SPON1: variants seen among roughly 807,000 people sequenced by gnomAD.
SPON1 encodes the protein spondin-1.
Under a neutral mutation model 111.7 loss-of-function variants are expected in SPON1, and 52 were observed. The observed-to-expected ratio is 0.47, with a 90% CI of 0.37 to 0.59. The LOEUF (loss-of-function observed/expected upper bound fraction) is 0.59. SPON1 is among the 20% of genes least tolerant of loss of function. The probability of loss-of-function intolerance (pLI) is 0.00; values close to 1 mark genes in which losing one functional copy is unlikely to be tolerated. For synonymous variants in SPON1, 410 were observed against 395.8 expected (o/e 1.04, Z -0.43); for missense variants, 957 against 1,068.5 (o/e 0.90, Z 1.46).
intron 6 of SPON1, among the ~76,000 whole-genome samples, chr11:14,231,326 G>A (rs1311161868): frequency 2.6e-5 from 4 of 151,260 alleles, no homozygotes; most frequent in African/African-American, 9.7e-5. Flanking sequence ...GTAGAGACAG[G>A]GTTTTACCGT....
intron 11 of SPON1, among the ~76,000 whole-genome samples, chr11:14,258,652 A>C (rs782252708): frequency 6.6e-6 from 1 of 152,264 alleles, no homozygotes; most frequent in African/African-American, 2.4e-5. Flanking sequence ...AGCTTATCCC[A>C]TGCAGGTCAT....
chr11:14,204,108 A>G (rs529637984), intron 6 of SPON1, among the ~76,000 whole-genome samples: 21 of 152,262 alleles, frequency 1.4e-4, no homozygotes, highest in African/African-American at 4.8e-4. Flanking sequence ...TGATTGAACC[A>G]TTTGCTGTCT....
At position 13,983,816 on chromosome 11, in the gene SPON1, G is replaced by GA. The variant is rs570642793; in HGVS notation, c.345+870dup. Among the ~76,000 whole-genome samples, 172 of 152,248 alleles carry GA rather than the reference G, an allele frequency of 1.1e-3. 1 individual carries two copies. Among genetic ancestry groups the GA allele is most frequent in the African/African-American group, 4.0e-3 (167 of 41,568 alleles). Reference sequence around the variant, plus strand: ...TTATCTGGCATTTGCAAATTAAGAAGAAAAAAACTCAGAGAATACTTATAC... The same window carrying GA: ...TTATCTGGCATTTGCAAATTAAGAAGAAAAAAAACTCAGAGAATACTTATAC... On this transcript the variant is annotated intron_variant, in intron 2 of 15. Coordinates refer to ENST00000576479, the MANE Select transcript of SPON1 (RefSeq NM_006108.4).
At chr11:14,182,712 TA>T (rs1848247415) in intron 6 of SPON1, among the ~76,000 whole-genome samples, 1 of 152,204 alleles carries the variant, frequency 6.6e-6, no homozygotes, top group Non-Finnish European at 1.5e-5. Context: ...TGACGGTCCA[TA>T]AAAGGCTCCT....
At chr11:13,999,071 C>G (rs1444794903) in intron 2 of SPON1, among the ~76,000 whole-genome samples, 1 of 151,958 alleles carries the variant, frequency 6.6e-6, no homozygotes, top group African/African-American at 2.4e-5. Flanking sequence ...CACTTAAAGC[C>G]GTTGTGTTTG....
chr11:14,243,452 C>T (rs1848952554), intron 7 of SPON1, 56 bp downstream of exon 7: 10 of 1,449,582 alleles, frequency 6.9e-6, no homozygotes, highest in Admixed American at 2.0e-5. Flanking sequence ...TTCTCAAAGC[C>T]ACCTACCTAA....
At chr11:14,209,337 G>A (rs1848549269) in intron 6 of SPON1, among the ~76,000 whole-genome samples, 1 of 152,096 alleles carries the variant, frequency 6.6e-6, no homozygotes, top group South Asian at 2.1e-4. Context: ...AGGTATACAT[G>A]TGCCATGGCG....
chr11:14,054,034 C>A (rs1554918892), intron 3 of SPON1, among the ~76,000 whole-genome samples: 1 of 152,192 alleles, frequency 6.6e-6, no homozygotes, highest in Admixed American at 6.5e-5. Context: ...TACCTCCCTG[C>A]AAGCCTGCTC....
intron 3 of SPON1, among the ~76,000 whole-genome samples, chr11:14,042,154 A>G (rs1848635887): frequency 6.6e-6 from 1 of 152,052 alleles, no homozygotes; most frequent in African/African-American, 2.4e-5. Context: ...ACCTCCTTTC[A>G]GTGAGTTATA....
intron 4 of SPON1, among the ~76,000 whole-genome samples, chr11:14,077,585 A>G (rs1196739642): frequency 6.6e-6 from 1 of 151,876 alleles, no homozygotes; most frequent in Non-Finnish European, 1.5e-5. Flanking sequence ...GGAACACACC[A>G]CCATGCCCAT....
chr11:14,235,678 C>CAAAAAAAAAAAAAAAAAAA (rs56925967), intron 6 of SPON1, among the ~76,000 whole-genome samples: 1 of 71,384 alleles, frequency 1.4e-5, no homozygotes, highest in South Asian at 6.3e-4. Context: ...GACCCTGCCT[C>CAAAAAAAAAAAAAAAAAAA]AAAAAAAAAA....
chr11:14,043,322 A>G (rs947230752), intron 3 of SPON1, among the ~76,000 whole-genome samples: 1 of 152,182 alleles, frequency 6.6e-6, no homozygotes, highest in Non-Finnish European at 1.5e-5. Flanking sequence ...CAAGTGGAGC[A>G]TCTTATGTGA....
chr11:14,048,011 G>A (rs564159894), intron 3 of SPON1, among the ~76,000 whole-genome samples: 4 of 152,220 alleles, frequency 2.6e-5, no homozygotes, highest in Admixed American at 6.5e-5. Context: ...AGGCTGAGGC[G>A]GGCAGATCAC....
At chr11:14,131,771 C>T (rs1847532646) in intron 5 of SPON1, among the ~76,000 whole-genome samples, 1 of 152,202 alleles carries the variant, frequency 6.6e-6, no homozygotes, top group African/African-American at 2.4e-5. Context: ...CCAGAGTCTT[C>T]TGGCTCCTGG....
In SPON1 at chr11:14,167,408, T is replaced by A. The variant is rs116770759; in HGVS notation, c.825+31840T>A. On this transcript the variant is annotated intron_variant, in intron 6 of 15. Coordinates refer to ENST00000576479, the MANE Select transcript of SPON1 (RefSeq NM_006108.4). ...AAAATCTTAAAAGAAAAATCTTTAC[T>A]CAGATAGGAAACTTAGCCAATAAAG... Among the ~76,000 whole-genome samples the A allele has an allele frequency of 5.3e-3, 812 of 152,214 alleles. 10 individuals are homozygous for A. The highest frequency in any genetic ancestry group is 0.019 in the African/African-American group (773 of 41,562).
chr11:14,115,542 A>G (rs1435033753), intron 5 of SPON1, among the ~76,000 whole-genome samples: 5 of 152,182 alleles, frequency 3.3e-5, no homozygotes, highest in African/African-American at 9.7e-5. Context: ...TGTTTATAGT[A>G]TATAGTTAAC....
chr11:14,143,362 G>A (rs1412518412), intron 6 of SPON1, among the ~76,000 whole-genome samples: 4 of 152,148 alleles, frequency 2.6e-5, no homozygotes, highest in African/African-American at 7.2e-5. Context: ...AGGAGTTCAA[G>A]ACCAGCCTGG....
Position 14,259,208 on chromosome 11 carries a change from G to T in SPON1, c.1493-72G>T. 6.8e-7 allele frequency: 1 copy of T among 1,473,152 alleles called. No individual in the cohort carries two copies. Among genetic ancestry groups the T allele is most frequent in the South Asian group, 1.4e-5 (1 of 73,806 alleles). 91.3% of individuals were successfully genotyped at this position (1,473,152 alleles called of 1,614,324 possible). A position where few individuals can be genotyped will look rare whatever the true frequency, so the allele number is the denominator to read the frequency against. On this transcript the variant is annotated intron_variant, in intron 11 of 15. Transcript: ENST00000576479. The surrounding 1 kb of genome is among the most constrained non-coding windows in gnomAD (Gnocchi z 5.0). The stretch of plus-strand genomic sequence containing the variant: ...TCCTCTTGATTCCCGCTGGCGGGAA[G>T]TTCCCACCGCGCAGCCTGGCAGGCG...
At chr11:14,013,615 A>G (rs1848422152) in intron 2 of SPON1, among the ~76,000 whole-genome samples, 1 of 152,136 alleles carries the variant, frequency 6.6e-6, no homozygotes. Context: ...ACTTAAATGT[A>G]GTTTTGAAAG....
Sources: gnomAD v4.1 joint callset for allele counts (sites outside exome capture counted in the v4.1 genomes callset) on GRCh38, gnomAD v4.1.1 for gene constraint, Gnocchi (gnomAD v3.1) non-coding constraint, MANE v1.5 for transcripts, NCBI Gene and HGNC (gene_info 2026-07-23, HGNC 2026-07-21) for gene names.